ERICH6B: variants seen among roughly 807,000 people sequenced by gnomAD.
ERICH6B encodes the protein glutamate-rich protein 6B.
Under a neutral mutation model 80.0 loss-of-function variants are expected in ERICH6B, and 69 were observed. The observed-to-expected ratio is 0.86, with a 90% CI of 0.71 to 1.05. The LOEUF (loss-of-function observed/expected upper bound fraction) is 1.05. Ranked by LOEUF, ERICH6B falls within the 50% of genes least tolerant of loss-of-function variation. ERICH6B has a pLI of 0.00. For synonymous variants in ERICH6B, 283 were observed against 291.9 expected (o/e 0.97, Z 0.31); for missense variants, 754 against 796.1 (o/e 0.95, Z 0.64).
chr13:45,542,821 G>A (rs1259427948), intron 14 of ERICH6B, among the ~76,000 whole-genome samples: 1 of 152,192 alleles, frequency 6.6e-6, no homozygotes, highest in Non-Finnish European at 1.5e-5. Context: ...AGGGAACCTA[G>A]GGGGGTCAGC....
At chr13:45,603,749 C>A (rs981776218) in intron 2 of ERICH6B, among the ~76,000 whole-genome samples, 1 of 152,212 alleles carries the variant, frequency 6.6e-6, no homozygotes, top group Non-Finnish European at 1.5e-5. Context: ...GTCCCTTAAC[C>A]TGCCATCCTT....
In ERICH6B at chr13:45,561,527, C is replaced by T. The variant is rs999773165; in HGVS notation, c.1250-1G>A. 30 of 1,550,894 alleles carry T rather than the reference C, an allele frequency of 1.9e-5. No homozygotes were observed. The Admixed American group carries it at 3.5e-4, about 18-fold the overall frequency. On this transcript the variant is annotated splice_acceptor_variant, in intron 10 of 14. Coordinates refer to ENST00000298738, the MANE Select transcript of ERICH6B (RefSeq NM_182542.3). LOFTEE classifies it high-confidence loss of function. The stretch of plus-strand genomic sequence containing the variant: ...CTGGTCATCTCTGTTAACTTTTGAG[C>T]TGCCATTCAATTCAACGATTGCATT...
At chr13:45,559,268 A>T (rs1874567264) in intron 11 of ERICH6B, among the ~76,000 whole-genome samples, 1 of 151,966 alleles carries the variant, frequency 6.6e-6, no homozygotes, top group Non-Finnish European at 1.5e-5. Context: ...TTTGTTTCTA[A>T]TTGAATTTAT....
At chr13:45,583,351 G>T (rs1010591196) in intron 5 of ERICH6B, among the ~76,000 whole-genome samples, 9 of 152,060 alleles carry the variant, frequency 5.9e-5, no homozygotes, top group Non-Finnish European at 1.3e-4. Context: ...TTATTATTAT[G>T]TTTTGGTAAG....
chr13:45,582,066 T>G (rs76461834), intron 5 of ERICH6B, among the ~76,000 whole-genome samples: 4,875 of 152,312 alleles, frequency 0.032, 247 homozygotes, highest in African/African-American at 0.11. Context: ...ATATTTAAAG[T>G]CAGTTTTTAC....
chr13:45,590,656 C>T lies in ERICH6B; in HGVS notation c.679G>A (p.Asp227Asn), dbSNP rs1488551009. 3 of 1,551,496 alleles carry T rather than the reference C, an allele frequency of 1.9e-6. No individual in the cohort carries two copies. Among genetic ancestry groups the T allele is most frequent in the African/African-American group, 1.4e-5 (1 of 73,118 alleles). Residue 227 changes from aspartate (D) to asparagine (N), a missense_variant, in exon 4 of 15, where the codon GAT (aspartate) becomes AAT (asparagine). Coordinates refer to ENST00000298738, the MANE Select transcript of ERICH6B (RefSeq NM_182542.3). ...CCAAAAGAAAACTGTTACCTTGCATCACGAAGAAGCATGGTTTGTGATGAA... is the reference window on the plus strand; with the variant it reads ...CCAAAAGAAAACTGTTACCTTGCATTACGAAGAAGCATGGTTTGTGATGAA... ...SYSSQTMLLR[D>N]ARSPDAGPSQ...
intron 11 of ERICH6B, among the ~76,000 whole-genome samples, chr13:45,558,814 T>G (rs1014633925): frequency 6.6e-6 from 1 of 152,202 alleles, no homozygotes; most frequent in East Asian, 1.9e-4. Context: ...CTTTTTGATA[T>G]GTTATTGGAT....
At chr13:45,598,109 A>G (rs1401714085) in intron 2 of ERICH6B, among the ~76,000 whole-genome samples, 2 of 152,064 alleles carry the variant, frequency 1.3e-5, no homozygotes, top group Admixed American at 6.5e-5. Context: ...GGCCTTATCT[A>G]TCCCCATCCT....
intron 4 of ERICH6B, among the ~76,000 whole-genome samples, chr13:45,588,022 A>G (rs1307363218): frequency 6.6e-6 from 1 of 152,180 alleles, no homozygotes; most frequent in African/African-American, 2.4e-5. Context: ...CTGAGCTTAA[A>G]TGTTGGCTCT....
chr13:45,579,211 C>T (rs778800945), intron 7 of ERICH6B, among the ~76,000 whole-genome samples: 7 of 152,118 alleles, frequency 4.6e-5, no homozygotes, highest in South Asian at 2.1e-4. Flanking sequence ...ACCTTTCTGG[C>T]GGTGCGATGG....
At chr13:45,579,902 G>A (rs1875583728) in intron 7 of ERICH6B, 31 bp downstream of exon 7, 1 of 1,550,850 alleles carries the variant, frequency 6.4e-7, no homozygotes, top group Non-Finnish European at 8.7e-7. Flanking sequence ...AGAAAGCAGG[G>A]ATCTTTGGAT....
In ERICH6B at chr13:45,587,044, A is replaced by T; in HGVS notation, c.856+19T>A. 1 of 1,547,906 alleles carries T rather than the reference A, an allele frequency of 6.5e-7. No individual in the cohort carries two copies. The highest frequency in any genetic ancestry group is 8.7e-7 in the Non-Finnish European group (1 of 1,144,750). On this transcript the variant is annotated intron_variant, in intron 5 of 14. Transcript: ENST00000298738. Reference sequence around the variant, plus strand: ...CAGAGCCCGGCTGCGCCTCACCGACAGAGCGCAGCTTCCCTCACCGGCAGT... The same window carrying T: ...CAGAGCCCGGCTGCGCCTCACCGACTGAGCGCAGCTTCCCTCACCGGCAGT...
intron 9 of ERICH6B, among the ~76,000 whole-genome samples, chr13:45,567,420 C>A (rs939653974): frequency 6.6e-6 from 1 of 152,078 alleles, no homozygotes; most frequent in Non-Finnish European, 1.5e-5. Flanking sequence ...TGAATTCCCA[C>A]GTGTTGTGAG....
chr13:45,612,460 C>T (rs973325543), intron 1 of ERICH6B, among the ~76,000 whole-genome samples: 2 of 152,198 alleles, frequency 1.3e-5, no homozygotes, highest in Non-Finnish European at 2.9e-5. Flanking sequence ...GAAAAGAAAT[C>T]ATCTGTAAGG....
intron 4 of ERICH6B, among the ~76,000 whole-genome samples, chr13:45,588,591 G>T (rs527404382): frequency 6.6e-6 from 1 of 152,200 alleles, no homozygotes; most frequent in Non-Finnish European, 1.5e-5. Context: ...TGCCCACTGG[G>T]ACCCACAGAG....
chr13:45,551,211 T>A (rs1874209548), intron 11 of ERICH6B, among the ~76,000 whole-genome samples: 1 of 152,180 alleles, frequency 6.6e-6, no homozygotes, highest in African/African-American at 2.4e-5. Context: ...TGTCAGAAAG[T>A]TTGCCTATTT....
chr13:45,543,378 TA>T (rs1873864985), intron 14 of ERICH6B, among the ~76,000 whole-genome samples: 1 of 152,082 alleles, frequency 6.6e-6, no homozygotes, highest in Non-Finnish European at 1.5e-5. Context: ...AATGTGACCT[TA>T]TTTGGAAACG....
At chr13:45,601,093 C>A (rs1421139012) in intron 2 of ERICH6B, among the ~76,000 whole-genome samples, 1 of 152,180 alleles carries the variant, frequency 6.6e-6, no homozygotes, top group African/African-American at 2.4e-5. Flanking sequence ...AATTTCCCAT[C>A]TACCCTGACG....
Position 45,568,297 on chromosome 13 carries a change from GC to G in ERICH6B, c.1187+17del. On this transcript the variant is annotated intron_variant, in intron 9 of 14. Coordinates refer to ENST00000298738, the MANE Select transcript of ERICH6B (RefSeq NM_182542.3). ...CCCAAATCCACTGACCAATCACTTG[GC>G]CTCACCAGTTACTTACATAATTACC... The G allele has an allele frequency of 1.3e-6, 2 of 1,530,346 alleles. No homozygotes were observed. The highest frequency in any genetic ancestry group is 1.8e-6 in the Non-Finnish European group (2 of 1,138,174). The allele number at this position is 1,530,346 out of a possible 1,614,324, so 94.8% of individuals were successfully genotyped here.
Sources: allele counts gnomAD v4.1 joint callset (sites outside exome capture counted in the v4.1 genomes callset), GRCh38; gene constraint gnomAD v4.1.1; transcripts MANE v1.5; gene names NCBI Gene and HGNC (gene_info 2026-07-23, HGNC 2026-07-21).